The following PRKAA1 variants were observed in gnomAD, a reference collection of about 807,000 sequenced individuals.
PRKAA1 encodes the protein 5'-AMP-activated protein kinase catalytic subunit alpha-1.
In PRKAA1, 23 loss-of-function variants were observed where a neutral mutation model predicts 56.9. The observed-to-expected ratio is 0.40, with a 90% CI of 0.29 to 0.57. PRKAA1 has a LOEUF of 0.57. PRKAA1 is among the 20% of genes least tolerant of loss of function. PRKAA1 has a pLI of 0.39. For missense variants in PRKAA1, 413 were observed against 679.7 expected, an observed-to-expected ratio of 0.61 and a Z score of 4.36; for synonymous variants, 226 against 227.0, an observed-to-expected ratio of 1.00 and a Z score of 0.04.
At chr5:40,777,754 C>G (rs988830109) in intron 1 of PRKAA1, among the ~76,000 whole-genome samples, 168 bp from the exon 2 acceptor site, 2 of 150,274 alleles carry the variant, frequency 1.3e-5, no homozygotes, top group African/African-American at 4.9e-5. Context: ...GCCAACATGG[C>G]AAAACCCCAT....
At position 40,797,791 on chromosome 5, in the gene PRKAA1, C is replaced by T. The variant is rs1207587036; in HGVS notation, c.127+272G>A. Among the ~76,000 whole-genome samples the T allele has an allele frequency of 6.0e-4, 91 of 152,248 alleles. 1 individual carries two copies. The highest frequency in any genetic ancestry group is 3.4e-4 in the Non-Finnish European group (23 of 68,010). ...CCCCACCTGGGAAAGTTTGCACCTT[C>T]GCATCCCAGCCCCTCGTACCTACCA... On this transcript the variant is annotated intron_variant, in intron 1 of 8. Coordinates refer to ENST00000397128, the MANE Select transcript of PRKAA1 (RefSeq NM_006251.6).
intron 1 of PRKAA1, among the ~76,000 whole-genome samples, chr5:40,793,074 A>G (rs1006813169): frequency 1.3e-5 from 2 of 152,072 alleles, no homozygotes; most frequent in East Asian, 3.8e-4. Flanking sequence ...TCTCAAAAAA[A>G]AAAAAAGAAA....
intron 1 of PRKAA1, among the ~76,000 whole-genome samples, chr5:40,779,067 A>G (rs1044207477): frequency 8.6e-5 from 13 of 151,988 alleles, no homozygotes; most frequent in Non-Finnish European, 1.9e-4. Context: ...CCAAAGTGCT[A>G]GGATTATAGG....
chr5:40,762,736 T>C lies in PRKAA1; in HGVS notation c.*42A>G. 1 of 1,605,900 alleles carries C rather than the reference T, an allele frequency of 6.2e-7. No homozygotes were observed. The highest frequency in any genetic ancestry group is 8.5e-7 in the Non-Finnish European group (1 of 1,174,772). On this transcript the variant is annotated 3_prime_UTR_variant, in exon 9 of 9. Transcript: ENST00000397128. ...GGAAGCATTTGGCTGTGACTTATTA[T>C]GCATGCTTATTGCTGCAAAAGAAAT...
chr5:40,767,533 C>T lies in PRKAA1; in HGVS notation c.754G>A (p.Val252Met), dbSNP rs773074075. The change falls in exon 6 of 9, where the codon GTG becomes ATG. Residue 252 changes from valine to methionine, a missense_variant. By Grantham distance (21) the Val-to-Met change is conservative. Coordinates refer to ENST00000397128, the MANE Select transcript of PRKAA1 (RefSeq NM_006251.6). ...AGCATATGTTTCAAAAGGCTAATCA[C>T]AGAAGGATTTAAATATTGAGGGGTA... ...FYTPQYLNPS[V>M]ISLLKHMLQV... 2 of 1,613,736 alleles carry T rather than the reference C, an allele frequency of 1.2e-6. No individual in the cohort carries two copies. The highest frequency in any genetic ancestry group is 1.7e-6 in the Non-Finnish European group (2 of 1,179,826).
chr5:40,790,685 G>A (rs1347860306), intron 1 of PRKAA1, among the ~76,000 whole-genome samples: 3 of 152,010 alleles, frequency 2.0e-5, no homozygotes, highest in African/African-American at 7.2e-5. Flanking sequence ...GACAACAGGC[G>A]CATGCCACCA....
intron 3 of PRKAA1, 39 bp from the exon 4 acceptor site, chr5:40,771,902 TCAAAGTAAATTGTC>T (rs745542877): frequency 6.3e-7 from 1 of 1,588,918 alleles, no homozygotes; most frequent in Non-Finnish European, 8.5e-7. Flanking sequence ...GGTGTGTCTT[TCAAAGTAAATTGTC>T]CTATCTATAA....
At position 40,765,374 on chromosome 5, in the gene PRKAA1, A is replaced by T. The variant is rs941735674; in HGVS notation, c.822-136T>A. On this transcript the variant is annotated intron_variant, in intron 6 of 8. Transcript: ENST00000397128. ...TATTATTGTCACTTTTTGCACTGAA[A>T]TTTTCCTCTTCTAGCTCGCACTTCA... is the stretch of plus-strand genomic sequence containing the variant. 4 of 1,083,488 alleles carry T rather than the reference A, an allele frequency of 3.7e-6. No homozygotes were observed. In the African/African-American group the frequency reaches 6.5e-5, roughly 17 times the overall value. 67.1% of individuals were successfully genotyped at this position (1,083,488 alleles called of 1,614,324 possible). A position where few individuals can be genotyped will look rare whatever the true frequency, so the allele number is the denominator to read the frequency against.
intron 4 of PRKAA1, 67 bp downstream of exon 4, chr5:40,771,652 A>T: frequency 6.9e-7 from 1 of 1,455,966 alleles, no homozygotes; most frequent in Non-Finnish European, 9.4e-7. Flanking sequence ...GAAGAATTCT[A>T]GGTAGGTTCA....
At chr5:40,770,593 T>C (rs546643438) in intron 4 of PRKAA1, among the ~76,000 whole-genome samples, 19 of 140,370 alleles carry the variant, frequency 1.4e-4, no homozygotes, top group Admixed American at 3.0e-4. Context: ...AAAAAATAAA[T>C]TCTTTTTTTT....
At chr5:40,790,707 T>G (rs1181452014) in intron 1 of PRKAA1, among the ~76,000 whole-genome samples, 1 of 151,840 alleles carries the variant, frequency 6.6e-6, no homozygotes, top group East Asian at 1.9e-4. Context: ...ACCCAGCTGA[T>G]TTTTGTATTT....
intron 1 of PRKAA1, among the ~76,000 whole-genome samples, chr5:40,778,578 T>A (rs1404822292): frequency 7.2e-5 from 11 of 152,186 alleles, no homozygotes; most frequent in South Asian, 2.1e-4. Flanking sequence ...TTTATATGGA[T>A]ATTAAAACAT....
chr5:40,797,556 CA>C (rs1275563486), intron 1 of PRKAA1, among the ~76,000 whole-genome samples: 1 of 152,194 alleles, frequency 6.6e-6, no homozygotes, highest in Non-Finnish European at 1.5e-5. Flanking sequence ...TCTGCGGAAA[CA>C]CATTTCGCAC....
At chr5:40,768,721 G>A (rs1359443705) in intron 5 of PRKAA1, 7 of 1,299,912 alleles carry the variant, frequency 5.4e-6, no homozygotes, top group Non-Finnish European at 6.8e-6. Context: ...GCATGGTTTG[G>A]GTGAAAAGTT....
At chr5:40,775,319 A>G (rs1030359367) in intron 3 of PRKAA1, 91 bp downstream of exon 3, 33 of 921,978 alleles carry the variant, frequency 3.6e-5, no homozygotes, top group Non-Finnish European at 5.1e-5. Context: ...TATTAAATAG[A>G]CCTCTTAAAA....
intron 1 of PRKAA1, among the ~76,000 whole-genome samples, chr5:40,786,254 C>CAAAA (rs35972942): frequency 8.1e-6 from 1 of 123,822 alleles, no homozygotes. Context: ...GACTCCGTCT[C>CAAAA]AAAAAAAAAA....
intron 3 of PRKAA1, among the ~76,000 whole-genome samples, chr5:40,772,425 GAAGT>G (rs552267382): frequency 8.3e-4 from 126 of 151,526 alleles, no homozygotes; most frequent in African/African-American, 3.0e-3. Flanking sequence ...AGACCATGAG[GAAGT>G]AATATTTAAG....
In PRKAA1 at chr5:40,788,742, G is replaced by A. The variant is rs146217756; in HGVS notation, c.127+9321C>T. On this transcript the variant is annotated intron_variant, in intron 1 of 8. Coordinates refer to ENST00000397128, the MANE Select transcript of PRKAA1 (RefSeq NM_006251.6). ...CTCATGAGGCTGAGGCAAAAGAATC[G>A]CTTGAACCCGGGAGGCGGACGCTGC... Among the ~76,000 whole-genome samples the A allele has an allele frequency of 4.3e-3, 660 of 152,110 alleles. 3 individuals are homozygous for A. The highest frequency in any genetic ancestry group is 8.9e-3 in the South Asian group (43 of 4,818).
chr5:40,783,523 C>T lies in PRKAA1; in HGVS notation c.128-5937G>A, dbSNP rs117777731. Among the ~76,000 whole-genome samples, 686 of 152,044 alleles carry T rather than the reference C, an allele frequency of 4.5e-3. 20 individuals carry two copies. The East Asian group carries it at 0.052, about 11-fold the overall frequency. The stretch of plus-strand genomic sequence containing the variant: ...CCTGTAATCCCAGCACTTTGGAGGA[C>T]GAGGTGGGTGGATCACAAGGTCAGG... On this transcript the variant is annotated intron_variant, in intron 1 of 8. Coordinates refer to ENST00000397128, the MANE Select transcript of PRKAA1 (RefSeq NM_006251.6).
Sources: gnomAD v4.1 joint callset for allele counts (sites outside exome capture counted in the v4.1 genomes callset) on GRCh38, gnomAD v4.1.1 for gene constraint, MANE v1.5 for transcripts, NCBI Gene and HGNC (gene_info 2026-07-23, HGNC 2026-07-21) for gene names.